The following COL12A1 variants were observed in gnomAD, a reference collection of about 807,000 sequenced individuals.
The protein encoded by COL12A1 is collagen alpha-1(XII) chain.
Under a neutral mutation model 349.7 loss-of-function variants are expected in COL12A1, and 114 were observed. That is an observed-to-expected ratio of 0.33 (90% CI 0.28 to 0.38). The LOEUF (loss-of-function observed/expected upper bound fraction) is 0.38. Ranked by LOEUF, COL12A1 falls within the 10% of genes least tolerant of loss-of-function variation. The pLI, the probability that COL12A1 is intolerant of heterozygous loss-of-function variation, is 1.00. For missense variants in COL12A1, 3,284 were observed against 3,756.9 expected (o/e 0.87, Z 3.29); for synonymous variants, 1,369 against 1,329.0 (o/e 1.03, Z -0.66).
rs949111771 is a variant in COL12A1 at position 75,085,247 on chromosome 6, C to T, written c.*1300G>A. ...GCCAGCGCCGGTGGGGCTCAGGAGG[C>T]TCCTCTGCAGGCTCGTCTGCGCCGT... is the stretch of plus-strand genomic sequence containing the variant. On this transcript the variant is annotated 3_prime_UTR_variant, in exon 66 of 66. Transcript: ENST00000322507. 2.1e-5 allele frequency: 10 copies of T among 470,674 alleles called. No homozygotes were observed. The highest frequency in any genetic ancestry group is 1.8e-4 in the African/African-American group (9 of 50,092). 29.2% of individuals were successfully genotyped at this position (470,674 alleles called of 1,614,324 possible). A position where few individuals can be genotyped will look rare whatever the true frequency, so the allele number is the denominator to read the frequency against.
rs1021854661 is a variant in COL12A1, at chr6:75,153,108, C to T, written c.3566-626G>A. ...TTGAGGTAAAGATATATTTTTTAAA[C>T]CCTGATATATTATTATCTAGCTATT... On this transcript the variant is annotated intron_variant, in intron 17 of 65. Coordinates refer to ENST00000322507, the MANE Select transcript of COL12A1 (RefSeq NM_004370.6). 7.2e-5 allele frequency among the ~76,000 whole-genome samples: 11 copies of T among 151,878 alleles called. No individual in the cohort carries two copies. The East Asian group carries it at 2.1e-3, about 29-fold the overall frequency.
intron 52 of COL12A1, among the ~76,000 whole-genome samples, chr6:75,108,600 G>A (rs968047443): frequency 5.3e-5 from 8 of 152,106 alleles, no homozygotes; most frequent in African/African-American, 1.7e-4. Flanking sequence ...GAGCAAATGT[G>A]GGCTCTGGTG....
At chr6:75,185,414 A>G (rs557344258) in intron 8 of COL12A1, among the ~76,000 whole-genome samples, 1 of 152,338 alleles carries the variant, frequency 6.6e-6, no homozygotes, top group South Asian at 2.1e-4. Context: ...AATACAGCTA[A>G]CTAGTTAGGT....
rs1247474243 is a variant in COL12A1, at chr6:75,154,660, T to C, written c.3444-123A>G. 4 of 926,300 alleles carry C rather than the reference T, an allele frequency of 4.3e-6. No homozygotes were observed. The East Asian group carries it at 8.8e-5, about 20-fold the overall frequency. The allele number at this position is 926,300 out of a possible 1,614,324, so 57.4% of individuals were successfully genotyped here. ...AGCTTACACTATGAAGAGTTTATAG[T>C]GTACAACATTATAAGAGAAGAAAAA... On this transcript the variant is annotated intron_variant, in intron 16 of 65. Coordinates refer to ENST00000322507, the MANE Select transcript of COL12A1 (RefSeq NM_004370.6).
At position 75,152,227 on chromosome 6, in the gene COL12A1, G is replaced by A. The variant is rs758937401; in HGVS notation, c.3739C>T (p.Pro1247Ser). The A allele has an allele frequency of 3.1e-6, 5 of 1,613,610 alleles. No individual in the cohort carries two copies. Among genetic ancestry groups the A allele is most frequent in the Non-Finnish European group, 4.2e-6 (5 of 1,179,788 alleles). ...QIALAQYSGDPRTEWQLNAHR... is the reference protein window; with the variant it reads ...QIALAQYSGDSRTEWQLNAHR... ...GCATTTAACTGCCACTCTGTTCTGG[G>A]ATCCCCACTATACTGAGCAAGAGCT... The change falls in exon 19 of 66, where the codon CCC becomes TCC. Residue 1247 changes from proline (P) to serine (S), a missense_variant. By Grantham distance (74) the Pro-to-Ser change is moderately conservative. This residue lies in a region of COL12A1 where 2,601 missense variants were observed against 2,824.8 expected (regional missense o/e 0.92). Transcript: ENST00000322507.
intron 16 of COL12A1, among the ~76,000 whole-genome samples, chr6:75,155,346 G>T (rs1415915731): frequency 6.6e-6 from 1 of 152,102 alleles, no homozygotes; most frequent in Non-Finnish European, 1.5e-5. Context: ...CGGTGACATT[G>T]TGTAATAAGA....
Position 75,090,619 on chromosome 6 carries a change from C to G in COL12A1, c.8753-321G>C, listed in dbSNP as rs1484721183. On this transcript the variant is annotated intron_variant, in intron 62 of 65. Transcript: ENST00000322507. The surrounding 1 kb of genome is among the most constrained non-coding windows in gnomAD (Gnocchi z 4.1). ...CCAGGTGACATCACTCAAAAGAAAA[C>G]CTTTTTTATAATTAGATAATTCTAC... 1.3e-5 allele frequency among the ~76,000 whole-genome samples: 2 copies of G among 152,108 alleles called. No individual in the cohort carries two copies. The highest frequency in any genetic ancestry group is 4.8e-5 in the African/African-American group (2 of 41,414).
chr6:75,099,801 C>T (rs950312950), intron 58 of COL12A1, among the ~76,000 whole-genome samples: 6 of 152,142 alleles, frequency 3.9e-5, no homozygotes, highest in African/African-American at 1.4e-4. Context: ...TTTCAAAAAT[C>T]GTCTCTGCTG....
chr6:75,131,020 C>T (rs764995972), intron 35 of COL12A1, 39 bp from the exon 36 acceptor site: 10 of 1,613,516 alleles, frequency 6.2e-6, no homozygotes, highest in Non-Finnish European at 7.6e-6. Flanking sequence ...CTGACAACAA[C>T]TCAAATGCTT....
chr6:75,136,050 A>G (rs1466006605), intron 31 of COL12A1, among the ~76,000 whole-genome samples: 1 of 152,276 alleles, frequency 6.6e-6, no homozygotes, highest in Admixed American at 6.5e-5. Context: ...TACTTTCCAG[A>G]AGATAAGTTT....
At chr6:75,143,016 C>T (rs191198355) in intron 26 of COL12A1, among the ~76,000 whole-genome samples, 1 of 152,244 alleles carries the variant, frequency 6.6e-6, no homozygotes, top group East Asian at 1.9e-4. Flanking sequence ...TTTTATCTAC[C>T]AAGGGATGAT....
chr6:75,170,718 GA>G (rs1768584386), intron 13 of COL12A1, among the ~76,000 whole-genome samples: 1 of 152,164 alleles, frequency 6.6e-6, no homozygotes, highest in Non-Finnish European at 1.5e-5. Context: ...ATTATACCCA[GA>G]ATGTATGATT....
intron 20 of COL12A1, among the ~76,000 whole-genome samples, 199 bp downstream of exon 20, chr6:75,151,668 C>A (rs572247020): frequency 2.0e-5 from 3 of 151,736 alleles, no homozygotes; most frequent in Non-Finnish European, 4.4e-5. Context: ...TATTAATTTT[C>A]GTTTAAGAAA....
Position 75,123,733 on chromosome 6 carries a change from G to C in COL12A1, c.6871+215C>G, listed in dbSNP as rs914900424. Among the ~76,000 whole-genome samples the C allele has an allele frequency of 2.0e-5, 3 of 152,246 alleles. No homozygotes were observed. In the East Asian group the frequency reaches 5.8e-4, roughly 29 times the overall value. ...CTCCCTCCTTTAGCCCTTCCTCAAA[G>C]TAGCACCAACTCAATAACAGGGACA... is the stretch of plus-strand genomic sequence containing the variant. On this transcript the variant is annotated intron_variant, in intron 42 of 65. Coordinates refer to ENST00000322507, the MANE Select transcript of COL12A1 (RefSeq NM_004370.6).
chr6:75,123,917 T>C, intron 42 of COL12A1, 31 bp downstream of exon 42: 2 of 1,590,068 alleles, frequency 1.3e-6, no homozygotes, highest in African/African-American at 1.3e-5. Flanking sequence ...TAAAGCCTTA[T>C]GAAAGCTTTC....
chr6:75,170,586 CG>C (rs1768574925), intron 13 of COL12A1, among the ~76,000 whole-genome samples: 1 of 152,160 alleles, frequency 6.6e-6, no homozygotes, highest in South Asian at 2.1e-4. Context: ...GTGTTTCTTC[CG>C]TAATTATCAC....
At chr6:75,128,200 T>G in intron 38 of COL12A1, 96 bp downstream of exon 38, 1 of 1,117,002 alleles carries the variant, frequency 9.0e-7, no homozygotes, top group Non-Finnish European at 1.2e-6. Context: ...GATGTATTGG[T>G]AAAGATAAAA....
chr6:75,135,006 G>A (rs940569350), intron 31 of COL12A1, 151 bp from the exon 32 acceptor site: 1 of 649,546 alleles, frequency 1.5e-6, no homozygotes, highest in East Asian at 3.1e-5. Flanking sequence ...TACACCTTGT[G>A]GTATAACTTC....
intron 53 of COL12A1, 91 bp from the exon 54 acceptor site, chr6:75,105,383 G>T: frequency 1.2e-6 from 1 of 825,692 alleles, no homozygotes; most frequent in Non-Finnish European, 2.0e-6. Flanking sequence ...AAGGAAGTCT[G>T]TTTCCCAACT....
Sources: gnomAD v4.1 joint callset for allele counts (sites outside exome capture counted in the v4.1 genomes callset) on GRCh38, gnomAD v4.1.1 for gene constraint, gnomAD v4.1.1 regional missense constraint, Gnocchi (gnomAD v3.1) non-coding constraint, MANE v1.5 for transcripts, NCBI Gene and HGNC (gene_info 2026-07-23, HGNC 2026-07-21) for gene names.